SPEN: variants seen among roughly 807,000 people sequenced by gnomAD.
The protein encoded by SPEN is msx2-interacting protein.
SPEN carries 18 observed loss-of-function variants against 269.9 expected under a neutral mutation model. The ratio of observed to expected loss-of-function variants is 0.07; its 90% confidence interval spans 0.05 to 0.10. The LOEUF is 0.10. Among genes scored for constraint, SPEN ranks in the 10% least tolerant of loss-of-function variants. The pLI is 1.00. For missense variants in SPEN, 3,822 were observed against 4,631.2 expected, an observed-to-expected ratio of 0.83 and a Z score of 5.07; for synonymous variants, 1,726 against 1,765.7, an observed-to-expected ratio of 0.98 and a Z score of 0.56.
chr1:15,877,797 T>C lies in SPEN; in HGVS notation c.881+1119T>C, dbSNP rs1351710792. Among the ~76,000 whole-genome samples the C allele has an allele frequency of 7.0e-5, 10 of 142,348 alleles. No individual in the cohort carries two copies. In the Admixed American group the frequency reaches 7.7e-4, roughly 11 times the overall value. The allele number at this position is 142,348 out of a possible 152,430, so 93.4% of individuals were successfully genotyped here. The stretch of plus-strand genomic sequence containing the variant: ...CTCGCTCTTGTCACCTAGGCTGGAG[T>C]GCAATGGCGTGATCTTGGCTCACAG... On this transcript the variant is annotated intron_variant, in intron 3 of 14. Coordinates refer to ENST00000375759, the MANE Select transcript of SPEN (RefSeq NM_015001.3).
At chr1:15,887,276 ATTTTTT>A (rs34435171) in intron 3 of SPEN, among the ~76,000 whole-genome samples, 3 of 82,318 alleles carry the variant, frequency 3.6e-5, no homozygotes, top group South Asian at 4.2e-4. Flanking sequence ...CCTGGCCTGA[ATTTTTT>A]TTTTTTTTTT....
At chr1:15,888,386 T>G (rs1364911853) in intron 3 of SPEN, among the ~76,000 whole-genome samples, 1 of 151,958 alleles carries the variant, frequency 6.6e-6, no homozygotes, top group African/African-American at 2.4e-5. Flanking sequence ...TGCAGTAGCA[T>G]GATCTCGGTT....
intron 3 of SPEN, among the ~76,000 whole-genome samples, chr1:15,893,155 G>T (rs1217956506): frequency 6.6e-6 from 1 of 152,186 alleles, no homozygotes; most frequent in African/African-American, 2.4e-5. Flanking sequence ...TTAAGTGATG[G>T]CTAGTACTTT....
chr1:15,875,146 A>G (rs1441921291), intron 2 of SPEN, among the ~76,000 whole-genome samples: 1 of 152,206 alleles, frequency 6.6e-6, no homozygotes, highest in East Asian at 1.9e-4. Context: ...CTACAAAAGT[A>G]GAGAACTTAC....
chr1:15,875,017 A>T (rs1394922380), intron 2 of SPEN, among the ~76,000 whole-genome samples: 1 of 152,090 alleles, frequency 6.6e-6, no homozygotes, highest in East Asian at 1.9e-4. Context: ...GAGAGATTCT[A>T]ATTCTTTATG....
chr1:15,889,164 C>CTTTTTT (rs56721891), intron 3 of SPEN, among the ~76,000 whole-genome samples: 14 of 124,890 alleles, frequency 1.1e-4, no homozygotes, highest in East Asian at 2.2e-4. Flanking sequence ...CTTTTCTTTT[C>CTTTTTT]TTTTTTTTTT....
intron 3 of SPEN, among the ~76,000 whole-genome samples, chr1:15,895,407 GA>G (rs1439817563): frequency 6.6e-6 from 1 of 152,016 alleles, no homozygotes; most frequent in Non-Finnish European, 1.5e-5. Flanking sequence ...CATATATGTG[GA>G]ACCACACAGC....
At chr1:15,856,253 G>A (rs1569964934) in intron 1 of SPEN, among the ~76,000 whole-genome samples, 1 of 152,064 alleles carries the variant, frequency 6.6e-6, no homozygotes, top group East Asian at 1.9e-4. Context: ...GCCTCCCAAA[G>A]TGCTGGGATT....
At position 15,939,493 on chromosome 1, in the gene SPEN, C is replaced by A; in HGVS notation, c.*66C>A. 6.9e-7 allele frequency: 1 copy of A among 1,459,516 alleles called. No homozygotes were observed. Among genetic ancestry groups the A allele is most frequent in the South Asian group, 1.5e-5 (1 of 68,092 alleles). The allele number at this position is 1,459,516 out of a possible 1,614,324, so 90.4% of individuals were successfully genotyped here. A position where few individuals can be genotyped will look rare whatever the true frequency, so the allele number is the denominator to read the frequency against. On this transcript the variant is annotated 3_prime_UTR_variant, in exon 15 of 15. Transcript: ENST00000375759. This position sits in a 1 kb window ranked among gnomAD's most constrained non-coding sequence, Gnocchi z 4.1. ...TCTGCAGTAAAAACAAAGGACAACC[C>A]AGCCAAGCAGAGGAAGAAGCTGCCG... is the stretch of plus-strand genomic sequence containing the variant.
In SPEN at chr1:15,932,051, G is replaced by A. The variant is rs765111015; in HGVS notation, c.5811G>A (p.Glu1937=). 3 of 1,614,198 alleles carry A rather than the reference G, an allele frequency of 1.9e-6. No individual in the cohort carries two copies. The Admixed American group carries it at 5.0e-5, about 27-fold the overall frequency. ...PRVTRKRLER[E]LQEAAAVPTT... ...TGACCAGAAAGAGATTGGAGCGAGA[G>A]CTTCAGGAGGCTGCAGCGGTTCCCA... Residue 1937 remains glutamate (E), a synonymous_variant, in exon 11 of 15, where the codon GAG becomes GAA. Coordinates refer to ENST00000375759, the MANE Select transcript of SPEN (RefSeq NM_015001.3). This position sits in a 1 kb window ranked among gnomAD's most constrained non-coding sequence, Gnocchi z 4.2.
intron 10 of SPEN, among the ~76,000 whole-genome samples, chr1:15,926,492 G>C (rs1468362245): frequency 6.6e-6 from 1 of 151,396 alleles, no homozygotes; most frequent in Non-Finnish European, 1.5e-5. Flanking sequence ...TGCTTCCAGT[G>C]TTGGAATGTT....
chr1:15,902,568 T>C (rs1203043938), intron 3 of SPEN, among the ~76,000 whole-genome samples: 1 of 152,164 alleles, frequency 6.6e-6, no homozygotes, highest in Non-Finnish European at 1.5e-5. Context: ...TCTGCACTTT[T>C]GGAGGCCGAG....
chr1:15,860,546 C>T (rs986866134), intron 1 of SPEN, among the ~76,000 whole-genome samples: 29 of 151,286 alleles, frequency 1.9e-4, no homozygotes, highest in Admixed American at 1.7e-3. Context: ...CCCGCCTCAG[C>T]CTCCCGAAGT....
rs1266851020 is a variant in SPEN at position 15,934,355 on chromosome 1, T to C, written c.8115T>C (p.Asn2705=). The change falls in exon 11 of 15, where the codon AAT becomes AAC. Residue 2705 remains asparagine (N), a synonymous_variant. Coordinates refer to ENST00000375759, the MANE Select transcript of SPEN (RefSeq NM_015001.3). The surrounding 1 kb of genome is among the most constrained non-coding windows in gnomAD (Gnocchi z 9.2). The stretch of plus-strand genomic sequence containing the variant: ...TGAATGTTCTTACGGGGCCAGTGAA[T>C]GTTCTCACCACTCCAGTGAACGCCA... The part of the protein sequence containing the change: ...GPVNVLTGPV[N]VLTTPVNATV... 4 of 1,613,558 alleles carry C rather than the reference T, an allele frequency of 2.5e-6. No homozygotes were observed. In the African/African-American group the frequency reaches 5.3e-5, roughly 22 times the overall value.
intron 3 of SPEN, among the ~76,000 whole-genome samples, chr1:15,878,271 T>G (rs1020555396): frequency 5.3e-5 from 8 of 152,252 alleles, no homozygotes; most frequent in Admixed American, 2.6e-4. Flanking sequence ...TTCTTTTGCC[T>G]GCTTAAAATT....
chr1:15,919,143 T>A, intron 7 of SPEN, 92 bp downstream of exon 7: 1 of 1,117,134 alleles, frequency 9.0e-7, no homozygotes, highest in Non-Finnish European at 1.3e-6. Context: ...CCTTATTATT[T>A]AAGATCCTAC....
intron 1 of SPEN, among the ~76,000 whole-genome samples, chr1:15,862,806 G>C (rs1414394371): frequency 1.3e-5 from 2 of 151,120 alleles, no homozygotes; most frequent in East Asian, 3.9e-4. Context: ...CTGTCGCCCA[G>C]GCTAGAGTGC....
chr1:15,864,285 C>T (rs1482487832), intron 1 of SPEN, among the ~76,000 whole-genome samples: 3 of 151,776 alleles, frequency 2.0e-5, no homozygotes, highest in African/African-American at 7.3e-5. Flanking sequence ...TCTCGTGTCT[C>T]AGCCTCCCAA....
chr1:15,872,964 T>C lies in SPEN; in HGVS notation c.232T>C (p.Tyr78His). The change falls in exon 2 of 15, where the codon TAT becomes CAT. Residue 78 changes from tyrosine to histidine, a missense_variant. This residue lies in a region of SPEN where 327 missense variants were observed against 350.8 expected (regional missense o/e 0.93). Transcript: ENST00000375759. ...KMGDRDLRTD[Y>H]NEPGTIPSAA... ...GGGTGACAGAGACCTACGCACGGAT[T>C]ATAATGAACCAGGCACCATCCCGAG... The C allele has an allele frequency of 6.2e-7, 1 of 1,614,082 alleles. No individual in the cohort carries two copies. The highest frequency in any genetic ancestry group is 2.2e-5 in the East Asian group (1 of 44,876).
Sources: allele counts gnomAD v4.1 joint callset (sites outside exome capture counted in the v4.1 genomes callset), GRCh38; gene constraint gnomAD v4.1.1; regional missense constraint gnomAD v4.1.1; non-coding constraint Gnocchi (gnomAD v3.1); transcripts MANE v1.5; gene names NCBI Gene and HGNC (gene_info 2026-07-23, HGNC 2026-07-21).